The following MAP3K19 variants were observed in gnomAD, a reference collection of about 807,000 sequenced individuals.
MAP3K19 encodes SPS1/STE20-related protein kinase YSK4.
MAP3K19 carries 91 observed loss-of-function variants against 114.4 expected under a neutral mutation model. That is an observed-to-expected ratio of 0.80 (90% CI 0.67 to 0.95). The LOEUF (loss-of-function observed/expected upper bound fraction) is 0.95. Among genes scored for constraint, MAP3K19 ranks in the 40% least tolerant of loss-of-function variants. The pLI, the probability that MAP3K19 is intolerant of heterozygous loss-of-function variation, is 0.00. For missense variants in MAP3K19, 1,471 were observed against 1,573.2 expected (o/e 0.94, Z 1.10); for synonymous variants, 518 against 530.5 (o/e 0.98, Z 0.32).
Position 134,964,927 on chromosome 2 carries a change from A to G in MAP3K19, c.3921-11T>C, listed in dbSNP as rs761398043. On this transcript the variant is annotated splice_polypyrimidine_tract_variant and intron_variant, in intron 12 of 12. Transcript: ENST00000392915. ...CGCTCATGCTGGTCCCTAAGAAGGGAAAAACACATTAGAAGCAGCAGCACT... is the reference window on the plus strand; with the variant it reads ...CGCTCATGCTGGTCCCTAAGAAGGGGAAAACACATTAGAAGCAGCAGCACT... The G allele has an allele frequency of 4.0e-5, 65 of 1,607,310 alleles. No homozygotes were observed. The highest frequency in any genetic ancestry group is 5.0e-5 in the Non-Finnish European group (59 of 1,175,138).
intron 5 of MAP3K19, among the ~76,000 whole-genome samples, chr2:135,012,253 T>C (rs1204951779): frequency 6.6e-6 from 1 of 151,918 alleles, no homozygotes; most frequent in East Asian, 1.9e-4. Flanking sequence ...AAGATGCCAG[T>C]TGCATTCTCC....
In MAP3K19 at chr2:134,983,573, T is replaced by C. The variant is rs551445034; in HGVS notation, c.3222+103A>G. On this transcript the variant is annotated intron_variant, in intron 11 of 12. Coordinates refer to ENST00000392915, the MANE Select transcript of MAP3K19 (RefSeq NM_025052.5). ...GAAAGAGTTCTAAGTAAAAGAGTGC[T>C]TGCCAGAGGAAGCAGGGAGGATGAC... is the stretch of plus-strand genomic sequence containing the variant. 27 of 792,794 alleles carry C rather than the reference T, an allele frequency of 3.4e-5. No homozygotes were observed. The African/African-American group carries it at 4.5e-4, about 13-fold the overall frequency. The allele number at this position is 792,794 out of a possible 1,614,324, so 49.1% of individuals were successfully genotyped here. A position where few individuals can be genotyped will look rare whatever the true frequency, so the allele number is the denominator to read the frequency against.
chr2:135,023,466 G>C (rs771603329), intron 4 of MAP3K19: 5 of 533,156 alleles, frequency 9.4e-6, no homozygotes, highest in Admixed American at 3.9e-5. Context: ...CCTTTCAACC[G>C]GTCCTTTCCC....
intron 2 of MAP3K19, among the ~76,000 whole-genome samples, chr2:135,036,635 T>TTATG (rs1399854950): frequency 2.4e-4 from 30 of 126,536 alleles, no homozygotes; most frequent in African/African-American, 8.5e-4. Context: ...GAGTTCAACA[T>TTATG]TATGTGTGTG....
At chr2:135,025,075 T>A (rs923018462) in intron 3 of MAP3K19, among the ~76,000 whole-genome samples, 1 of 152,092 alleles carries the variant, frequency 6.6e-6, no homozygotes. Context: ...TGTTTTTTTT[T>A]ATATTTTTAA....
At chr2:134,977,097 G>A (rs573585764) in intron 12 of MAP3K19, among the ~76,000 whole-genome samples, 40 of 149,272 alleles carry the variant, frequency 2.7e-4, no homozygotes, top group African/African-American at 7.4e-4. Context: ...CCCTTTCTCC[G>A]GCCTTTAAAA....
At chr2:135,027,267 AAGAG>A (rs944823112) in intron 3 of MAP3K19, among the ~76,000 whole-genome samples, 5 of 150,898 alleles carry the variant, frequency 3.3e-5, no homozygotes, top group Non-Finnish European at 5.9e-5. Flanking sequence ...GGAAGAAAGA[AAGAG>A]AGAGAGAGAG....
chr2:135,011,892 C>T (rs1687261651), intron 5 of MAP3K19, among the ~76,000 whole-genome samples: 1 of 152,070 alleles, frequency 6.6e-6, no homozygotes, highest in South Asian at 2.1e-4. Context: ...AGTGAGACCC[C>T]ATCTCTACAA....
chr2:135,029,126 A>C (rs1280135385), intron 3 of MAP3K19, among the ~76,000 whole-genome samples: 2 of 152,192 alleles, frequency 1.3e-5, no homozygotes, highest in Non-Finnish European at 2.9e-5. Context: ...TAATCCCAGC[A>C]CTTTGGGAGG....
intron 4 of MAP3K19, chr2:135,023,695 A>G (rs1436023365): frequency 2.4e-6 from 1 of 410,440 alleles, no homozygotes; most frequent in Non-Finnish European, 5.0e-6. Context: ...CACTCCCAGC[A>G]TCTCTTAGGC....
In MAP3K19 at chr2:135,033,701, A is replaced by AC. The variant is rs1194277040; in HGVS notation, c.-283-3202dup. 2.3e-4 allele frequency among the ~76,000 whole-genome samples: 17 copies of AC among 74,290 alleles called. 2 individuals are homozygous for AC. Among genetic ancestry groups the AC allele is most frequent in the African/African-American group, 6.5e-4 (7 of 10,696 alleles). 48.7% of individuals were successfully genotyped at this position (74,290 alleles called of 152,430 possible). A position where few individuals can be genotyped will look rare whatever the true frequency, so the allele number is the denominator to read the frequency against. ...GACGGGCGGCCGGCCGGGGGGGCTA[A>AC]CCCCCCCCACCTCCCTCCCGGACGG... On this transcript the variant is annotated intron_variant, in intron 2 of 12. Coordinates refer to ENST00000392915, the MANE Select transcript of MAP3K19 (RefSeq NM_025052.5).
In MAP3K19 at chr2:134,977,654, G is replaced by A. The variant is rs778998199; in HGVS notation, c.3920+3167C>T. 3.2e-4 allele frequency among the ~76,000 whole-genome samples: 49 copies of A among 152,042 alleles called. 1 individual carries two copies. Among genetic ancestry groups the A allele is most frequent in the Non-Finnish European group, 5.4e-4 (37 of 67,976 alleles). On this transcript the variant is annotated intron_variant, in intron 12 of 12. Transcript: ENST00000392915. ...TGGGATTACTGGCGTGAGCCACCGC[G>A]CCCGGCTAATTTTTAAATTTTTTGT...
chr2:134,991,483 A>C (rs758801303), intron 9 of MAP3K19, 54 bp downstream of exon 9: 2 of 1,472,942 alleles, frequency 1.4e-6, no homozygotes, highest in East Asian at 4.5e-5. Flanking sequence ...TAAATTAGTG[A>C]ATAGAGTTGT....
chr2:135,013,917 T>C (rs150095795), intron 5 of MAP3K19, among the ~76,000 whole-genome samples: 26 of 152,226 alleles, frequency 1.7e-4, no homozygotes, highest in Non-Finnish European at 2.9e-4. Flanking sequence ...CTTTATTTAC[T>C]TTTTCAATTT....
intron 9 of MAP3K19, among the ~76,000 whole-genome samples, chr2:134,988,828 T>C (rs1358554678): frequency 2.6e-5 from 4 of 152,232 alleles, no homozygotes; most frequent in Admixed American, 2.0e-4. Context: ...CCCTATAATG[T>C]AAATGGTAAA....
chr2:135,039,504 G>T (rs1688605334), intron 2 of MAP3K19, among the ~76,000 whole-genome samples: 1 of 152,090 alleles, frequency 6.6e-6, no homozygotes, highest in Non-Finnish European at 1.5e-5. Context: ...AATCACCTGA[G>T]TCTGGGCAGG....
At chr2:134,991,091 G>A (rs1051284400) in intron 9 of MAP3K19, among the ~76,000 whole-genome samples, 1 of 151,832 alleles carries the variant, frequency 6.6e-6, no homozygotes, top group African/African-American at 2.4e-5. Context: ...CACGAGGTCA[G>A]GAGATCGAGA....
rs756014611 is a variant in MAP3K19 at position 134,987,601 on chromosome 2, T to A, written c.1271A>T (p.Lys424Ile). The change falls in exon 10 of 13, where the codon AAA becomes ATA. Residue 424 changes from lysine (K) to isoleucine (I), a missense_variant. Transcript: ENST00000392915. ...KAASKRVSLH[K>I]NEAMEPNNIL... The stretch of plus-strand genomic sequence containing the variant: ...ATTGTTTGGTTCCATTGCTTCATTT[T>A]TATGTAATGAAACTCTTTTTGAAGC... 10 of 1,614,024 alleles carry A rather than the reference T, an allele frequency of 6.2e-6. No individual in the cohort carries two copies. In the Admixed American group the frequency reaches 1.5e-4, roughly 24 times the overall value.
At chr2:135,021,595 T>C (rs1558737664) in intron 5 of MAP3K19, 120 bp downstream of exon 5, 1 of 606,956 alleles carries the variant, frequency 1.6e-6, no homozygotes, top group East Asian at 2.9e-5. Flanking sequence ...AATATGCTTT[T>C]TTATGATTAC....
Sources: gnomAD v4.1 joint callset for allele counts (sites outside exome capture counted in the v4.1 genomes callset) on GRCh38, gnomAD v4.1.1 for gene constraint, MANE v1.5 for transcripts, NCBI Gene and HGNC (gene_info 2026-07-23, HGNC 2026-07-21) for gene names.